Variants in ZFP82 observed in about 807,000 individuals in gnomAD.
The protein encoded by ZFP82 is ZFP82 zinc finger protein, also known as zinc finger protein 82 homolog.
ZFP82 carries 30 observed loss-of-function variants against 54.0 expected under a neutral mutation model. The observed-to-expected ratio is 0.56, with a 90% CI of 0.42 to 0.75. The LOEUF is 0.75. Among genes scored for constraint, ZFP82 ranks in the 30% least tolerant of loss-of-function variants. The pLI, the probability that ZFP82 is intolerant of heterozygous loss-of-function variation, is 0.00. For missense variants in ZFP82, 500 were observed against 636.8 expected (o/e 0.79, Z 2.31); for synonymous variants, 194 against 209.5 (o/e 0.93, Z 0.64).
chr19:36,383,840 T>C (rs1187995938), downstream of ZFP82: 1 of 152,182 alleles, frequency 6.6e-6, no homozygotes, highest in Non-Finnish European at 1.5e-5. Flanking sequence ...AAGAATCTTA[T>C]AATTCTTATA....
At chr19:36,402,707 C>T (rs918371618) in intron 4 of ZFP82, among the ~76,000 whole-genome samples, 20 of 151,528 alleles carry the variant, frequency 1.3e-4, no homozygotes, top group African/African-American at 4.9e-4. Context: ...TTTTAAAGAC[C>T]TTTTGTGGCC....
chr19:36,407,222 G>A (rs917086250), intron 3 of ZFP82, among the ~76,000 whole-genome samples: 101 of 149,704 alleles, frequency 6.7e-4, no homozygotes, highest in African/African-American at 2.3e-3. Context: ...GACTACAGGC[G>A]CCCGCCACTA....
chr19:36,388,756 A>C lies in ZFP82; in HGVS notation c.*3985T>G, dbSNP rs554400933. Among the ~76,000 whole-genome samples the C allele has an allele frequency of 3.2e-4, 49 of 152,196 alleles. No individual in the cohort carries two copies. Among genetic ancestry groups the C allele is most frequent in the Admixed American group, 2.5e-3 (38 of 15,282 alleles). The stretch of plus-strand genomic sequence containing the variant: ...ATTAACTATTCCATTAATTTATTTG[A>C]TCATATAAACTACTTGCTGTTATTC... On this transcript the variant is annotated 3_prime_UTR_variant, in exon 5 of 5. Transcript: ENST00000392161.
At chr19:36,409,702 T>G in intron 2 of ZFP82, 79 bp downstream of exon 2, 1 of 1,491,502 alleles carries the variant, frequency 6.7e-7, no homozygotes, top group Non-Finnish European at 9.3e-7. Flanking sequence ...GGAGCTCTGA[T>G]AGTAAGGAAG....
intron 3 of ZFP82, among the ~76,000 whole-genome samples, chr19:36,407,233 C>T (rs1319703610): frequency 7.3e-5 from 11 of 151,158 alleles, no homozygotes; most frequent in African/African-American, 2.2e-4. Flanking sequence ...CCCGCCACTA[C>T]GCCCGGCTAA....
At chr19:36,384,019 G>A (rs1458139450), downstream of ZFP82, 1 of 152,150 alleles carries the variant, frequency 6.6e-6, no homozygotes, top group Non-Finnish European at 1.5e-5. Context: ...ATATTTCACT[G>A]GTTGAAGGGA....
chr19:36,394,046 T>C lies in ZFP82; in HGVS notation c.294A>G (p.Leu98=). ...SLENDIYEIN[L]SQWKIMERIE... is the part of the protein sequence containing the mutation. ...TTCTTTCCATTATCTTCCACTGGGATAAATTTATTTCATAAATGTCATTTT... is the reference window on the plus strand; with the variant it reads ...TTCTTTCCATTATCTTCCACTGGGACAAATTTATTTCATAAATGTCATTTT... Residue 98 remains leucine (L), a synonymous_variant, in exon 5 of 5, where the codon TTA becomes TTG. Transcript: ENST00000392161. 6.2e-7 allele frequency: 1 copy of C among 1,611,072 alleles called. No individual in the cohort carries two copies. The highest frequency in any genetic ancestry group is 8.5e-7 in the Non-Finnish European group (1 of 1,179,162).
At chr19:36,395,786 T>C (rs1251290634) in intron 4 of ZFP82, 1 of 152,022 alleles carries the variant, frequency 6.6e-6, no homozygotes, top group Non-Finnish European at 1.5e-5. Context: ...AAATTAATAA[T>C]AAAATTAAAA....
intron 4 of ZFP82, among the ~76,000 whole-genome samples, chr19:36,403,578 C>T (rs981286062): frequency 6.7e-6 from 1 of 148,460 alleles, no homozygotes; most frequent in African/African-American, 2.5e-5. Context: ...CAAGATCACG[C>T]CACTGCACTC....
chr19:36,396,605 G>A (rs1048098818), intron 4 of ZFP82, among the ~76,000 whole-genome samples: 2 of 151,938 alleles, frequency 1.3e-5, no homozygotes, highest in Non-Finnish European at 2.9e-5. Context: ...GCAGTGAGCC[G>A]AGATCGCGCC....
rs916774925 is a variant in ZFP82 at position 36,390,121 on chromosome 19, C to A, written c.*2620G>T. ...TACACCCAGGTGCTTCTTTACGTGA[C>A]CCTGCATGCCATGCCATGCCTCCCG... On this transcript the variant is annotated 3_prime_UTR_variant, in exon 5 of 5. Coordinates refer to ENST00000392161, the MANE Select transcript of ZFP82 (RefSeq NM_133466.4). Among the ~76,000 whole-genome samples, 1 of 152,140 alleles carries A rather than the reference C, an allele frequency of 6.6e-6. No individual in the cohort carries two copies. The highest frequency in any genetic ancestry group is 1.5e-5 in the Non-Finnish European group (1 of 68,036).
chr19:36,397,089 C>G (rs2032307904), intron 4 of ZFP82, among the ~76,000 whole-genome samples: 1 of 97,882 alleles, frequency 1.0e-5, no homozygotes, highest in Non-Finnish European at 1.9e-5. Context: ...AAGCATAAAC[C>G]AATTTTTTTT....
At chr19:36,406,879 T>C (rs1304866635) in intron 3 of ZFP82, among the ~76,000 whole-genome samples, 1 of 152,192 alleles carries the variant, frequency 6.6e-6, no homozygotes, top group Admixed American at 6.5e-5. Context: ...CATGTCATTG[T>C]GGAATTAGCA....
intron 4 of ZFP82, among the ~76,000 whole-genome samples, chr19:36,402,091 A>G (rs1163515455): frequency 6.6e-6 from 1 of 152,254 alleles, no homozygotes; most frequent in African/African-American, 2.4e-5. Context: ...AATGGATATT[A>G]TCTTATTCAC....
In ZFP82 at chr19:36,393,580, A is replaced by G; in HGVS notation, c.760T>C (p.Tyr254His). The G allele has an allele frequency of 1.9e-6, 3 of 1,614,172 alleles. No homozygotes were observed. Among genetic ancestry groups the G allele is most frequent in the Non-Finnish European group, 2.5e-6 (3 of 1,180,042 alleles). ...GCCTTCCCACATTCTTTACATTCAT[A>G]GGGCTTCTCACCAATATGCATTTTC... ...HQKMHIGEKPYECKECGKAFR... is the reference protein window; with the variant it reads ...HQKMHIGEKPHECKECGKAFR... Residue 254 changes from tyrosine to histidine, a missense_variant, in exon 5 of 5, where the codon TAT becomes CAT. By Grantham distance (83) the Tyr-to-His change is moderately conservative. Transcript: ENST00000392161.
intron 2 of ZFP82, among the ~76,000 whole-genome samples, chr19:36,408,231 T>C (rs936197033): frequency 1.3e-5 from 2 of 152,120 alleles, no homozygotes; most frequent in African/African-American, 4.8e-5. Flanking sequence ...CAGACTCTTA[T>C]ACTCTGGCAA....
intron 1 of ZFP82, among the ~76,000 whole-genome samples, chr19:36,410,963 C>T (rs1170018693): frequency 6.6e-6 from 1 of 151,686 alleles, no homozygotes; most frequent in Admixed American, 6.6e-5. Flanking sequence ...GAGGCCAAGG[C>T]AGGTGGATCA....
In ZFP82 at chr19:36,393,960, A is replaced by G. The variant is rs561996621; in HGVS notation, c.380T>C (p.Ile127Thr). 45 of 1,613,724 alleles carry G rather than the reference A, an allele frequency of 2.8e-5. No homozygotes were observed. Among genetic ancestry groups the G allele is most frequent in the South Asian group, 2.7e-4 (25 of 90,956 alleles). The part of the protein sequence containing the change: ...LKNDWESTGK[I>T]EGQERPQEGY... ...TTCTTGAGGTCTCTCCTGTCCTTCAATTTTTCCTGTGGATTCCCAATCATT... is the reference window on the plus strand; with the variant it reads ...TTCTTGAGGTCTCTCCTGTCCTTCAGTTTTTCCTGTGGATTCCCAATCATT... Residue 127 changes from isoleucine (I) to threonine (T), a missense_variant, in exon 5 of 5, where the codon ATT becomes ACT. Coordinates refer to ENST00000392161, the MANE Select transcript of ZFP82 (RefSeq NM_133466.4).
In ZFP82 at chr19:36,393,286, G is replaced by A; in HGVS notation, c.1054C>T (p.Gln352Ter). 1.2e-6 allele frequency: 2 copies of A among 1,613,784 alleles called. No individual in the cohort carries two copies. The highest frequency in any genetic ancestry group is 1.7e-6 in the Non-Finnish European group (2 of 1,179,948). The change falls in exon 5 of 5, where the codon CAA becomes TAA. Residue 352 changes from glutamine (Q) to a stop codon, truncating the protein, a stop_gained. Transcript: ENST00000392161. LOFTEE classifies it high-confidence loss of function. The part of the protein sequence containing the change: ...ECGKAFRVRQ[Q>*]LTLHQRIHTG... ...TGAATTCTCTGATGGAGTGTTAGTT[G>A]TTGTCGCACTCTAAAGGCCTTCCCG...
Sources: gnomAD v4.1 joint callset for allele counts (sites outside exome capture counted in the v4.1 genomes callset) on GRCh38, gnomAD v4.1.1 for gene constraint, MANE v1.5 for transcripts, NCBI Gene and HGNC (gene_info 2026-07-23, HGNC 2026-07-21) for gene names.